Variants in ACER2 observed in about 807,000 individuals in gnomAD.
ACER2 encodes the protein alkaline ceramidase 2.
Under a neutral mutation model 34.7 loss-of-function variants are expected in ACER2, and 26 were observed. That is an observed-to-expected ratio of 0.75 (90% CI 0.55 to 1.04). ACER2 has a LOEUF of 1.04. Ranked by LOEUF, ACER2 falls within the 50% of genes least tolerant of loss-of-function variation. ACER2 has a pLI of 0.00. For synonymous variants in ACER2, 138 were observed against 132.1 expected (o/e 1.04, Z -0.31); for missense variants, 352 against 340.8 (o/e 1.03, Z -0.26).
At chr9:19,424,197 G>C (rs183158637) in intron 2 of ACER2, among the ~76,000 whole-genome samples, 2 of 152,304 alleles carry the variant, frequency 1.3e-5, no homozygotes, top group East Asian at 3.9e-4. Context: ...TTGTGTAGTA[G>C]CTATTAGGGC....
rs540449890 is a variant in ACER2 at position 19,434,725 on chromosome 9, A to G, written c.366-222A>G. 2.6e-5 allele frequency among the ~76,000 whole-genome samples: 4 copies of G among 152,228 alleles called. No homozygotes were observed. The South Asian group carries it at 8.3e-4, about 32-fold the overall frequency. On this transcript the variant is annotated intron_variant, in intron 3 of 5. Transcript: ENST00000340967. ...TGCAGTGAGCCGAGATGGCAGCAGT[A>G]TAGTCCAGCTTCGGCTCGGCATGAG...
At chr9:19,414,179 G>T (rs546971901) in intron 1 of ACER2, among the ~76,000 whole-genome samples, 1 of 152,202 alleles carries the variant, frequency 6.6e-6, no homozygotes, top group Non-Finnish European at 1.5e-5. Context: ...AGCCCCCTCA[G>T]TCCCAAGCAA....
chr9:19,420,369 A>C (rs923188785), intron 1 of ACER2, among the ~76,000 whole-genome samples: 8 of 152,124 alleles, frequency 5.3e-5, no homozygotes, highest in Admixed American at 2.6e-4. Context: ...ACTCATGTAG[A>C]CTTAGCTGTC....
intron 5 of ACER2, among the ~76,000 whole-genome samples, chr9:19,448,765 G>A (rs1202376857): frequency 2.6e-5 from 4 of 152,030 alleles, no homozygotes; most frequent in Non-Finnish European, 4.4e-5. Flanking sequence ...TTTTTGTTGG[G>A]CATCTTTTCA....
At chr9:19,427,198 C>T (rs1830597806) in intron 3 of ACER2, among the ~76,000 whole-genome samples, 1 of 152,200 alleles carries the variant, frequency 6.6e-6, no homozygotes, top group Non-Finnish European at 1.5e-5. Context: ...TAGCATAATA[C>T]TAAGCAACAT....
intron 5 of ACER2, among the ~76,000 whole-genome samples, chr9:19,448,885 A>C (rs945335083): frequency 2.0e-5 from 3 of 152,222 alleles, no homozygotes; most frequent in African/African-American, 7.2e-5. Flanking sequence ...TCACGCCCGT[A>C]ATCTCAGCAC....
intron 3 of ACER2, among the ~76,000 whole-genome samples, chr9:19,432,966 T>C (rs974917904): frequency 6.6e-6 from 1 of 151,296 alleles, no homozygotes; most frequent in African/African-American, 2.4e-5. Flanking sequence ...TACAGAGAAA[T>C]CGAACATCTG....
chr9:19,433,420 A>G (rs1432075109), intron 3 of ACER2, among the ~76,000 whole-genome samples: 1 of 152,014 alleles, frequency 6.6e-6, no homozygotes, highest in Non-Finnish European at 1.5e-5. Flanking sequence ...CCCTTAATCC[A>G]TTTAACTCTG....
intron 5 of ACER2, among the ~76,000 whole-genome samples, chr9:19,449,379 T>C (rs1392800096): frequency 6.6e-6 from 1 of 152,202 alleles, no homozygotes; most frequent in Non-Finnish European, 1.5e-5. Context: ...TTAGTGTTCT[T>C]TGTATGTAGG....
At chr9:19,446,585 TA>T (rs1831372647) in intron 5 of ACER2, 167 bp downstream of exon 5, 1 of 985,290 alleles carries the variant, frequency 1.0e-6, no homozygotes, top group African/African-American at 1.7e-5. Flanking sequence ...GCACACTTTG[TA>T]AAAAGCTGAA....
chr9:19,417,529 A>G (rs1486538418), intron 1 of ACER2, among the ~76,000 whole-genome samples: 1 of 152,224 alleles, frequency 6.6e-6, no homozygotes, highest in African/African-American at 2.4e-5. Context: ...ATATAGACCA[A>G]TGGAACAGAA....
At chr9:19,448,023 T>C (rs1831425793) in intron 5 of ACER2, among the ~76,000 whole-genome samples, 1 of 150,646 alleles carries the variant, frequency 6.6e-6, no homozygotes, top group Non-Finnish European at 1.5e-5. Context: ...TTTTTTTTTT[T>C]TGAGACAAAG....
At position 19,423,961 on chromosome 9, in the gene ACER2, C is replaced by T. The variant is rs749112582; in HGVS notation, c.208C>T (p.Leu70Phe). ...CAGTGGCATCTACTTAATCTGGACT[C>T]TTTTGGTTGTAGTGGGTAAGTGGAG... ...FNSGIYLIWT[L>F]LVVVGIGSVY... Residue 70 changes from leucine to phenylalanine, a missense_variant, in exon 2 of 6, where the codon CTT becomes TTT. Leu to Phe is a conservative substitution (Grantham distance 22, BLOSUM62 0). Transcript: ENST00000340967. The T allele has an allele frequency of 1.4e-5, 23 of 1,613,470 alleles. No individual in the cohort carries two copies. The highest frequency in any genetic ancestry group is 1.9e-5 in the Non-Finnish European group (22 of 1,179,526).
At chr9:19,411,232 T>C (rs1830076628) in intron 1 of ACER2, among the ~76,000 whole-genome samples, 1 of 152,186 alleles carries the variant, frequency 6.6e-6, no homozygotes, top group Admixed American at 6.5e-5. Context: ...AGCTGGCCCA[T>C]CTGACAAACT....
chr9:19,420,846 A>AT (rs1395949790), intron 1 of ACER2, among the ~76,000 whole-genome samples: 1 of 152,144 alleles, frequency 6.6e-6, no homozygotes, highest in African/African-American at 2.4e-5. Flanking sequence ...GGAAGGGTGA[A>AT]TACCTCCCTC....
intron 3 of ACER2, among the ~76,000 whole-genome samples, chr9:19,433,149 C>CTTTTT (rs57915019): frequency 1.7e-3 from 105 of 61,312 alleles, no homozygotes; most frequent in East Asian, 2.9e-3. Flanking sequence ...GTGTGAGTGG[C>CTTTTT]TTTTTTTTTT....
intron 4 of ACER2, among the ~76,000 whole-genome samples, chr9:19,442,292 G>C (rs901214557): frequency 6.6e-6 from 1 of 152,224 alleles, no homozygotes; most frequent in Admixed American, 6.5e-5. Flanking sequence ...CTTTTCTCTT[G>C]TAGAATAAGG....
chr9:19,430,568 G>C (rs1830720484), intron 3 of ACER2, among the ~76,000 whole-genome samples: 1 of 152,136 alleles, frequency 6.6e-6, no homozygotes, highest in Admixed American at 6.5e-5. Flanking sequence ...TCTCCCGGCT[G>C]CTTGTGTTCA....
chr9:19,450,108 C>T, intron 5 of ACER2: 1 of 748,264 alleles, frequency 1.3e-6, no homozygotes, highest in Non-Finnish European at 1.6e-6. Context: ...GGGTTCTAAT[C>T]AGATGTGCTC....
Sources: gnomAD v4.1 joint callset for allele counts (sites outside exome capture counted in the v4.1 genomes callset) on GRCh38, gnomAD v4.1.1 for gene constraint, MANE v1.5 for transcripts, NCBI Gene and HGNC (gene_info 2026-07-23, HGNC 2026-07-21) for gene names.